The following MCUB variants were observed in gnomAD, a reference collection of about 807,000 sequenced individuals.
The protein encoded by MCUB is calcium uniporter regulatory subunit MCUb, mitochondrial.
MCUB carries 46 observed loss-of-function variants against 41.4 expected under a neutral mutation model. The ratio of observed to expected loss-of-function variants is 1.11; its 90% CI spans 0.88 to 1.42. The LOEUF is 1.42. Among genes scored for constraint, MCUB ranks in the 40% most tolerant of loss-of-function variants. The pLI is 0.00. For missense variants in MCUB, 403 were observed against 404.9 expected (o/e 1.00, Z 0.04); for synonymous variants, 148 against 148.2 (o/e 1.00, Z 0.01).
At chr4:109,578,580 G>C (rs1318389315) in intron 1 of MCUB, among the ~76,000 whole-genome samples, 1 of 151,804 alleles carries the variant, frequency 6.6e-6, no homozygotes, top group African/African-American at 2.4e-5. Context: ...GCTTACTGCA[G>C]CCTCAACCTC....
intron 1 of MCUB, among the ~76,000 whole-genome samples, chr4:109,650,500 GTC>G (rs779482590): frequency 1.2e-4 from 18 of 152,082 alleles, no homozygotes; most frequent in Non-Finnish European, 2.6e-4. Context: ...TGGCCTACCA[GTC>G]TCTCAGAATT....
chr4:109,587,486 A>G (rs932734697), intron 1 of MCUB, among the ~76,000 whole-genome samples: 2 of 152,204 alleles, frequency 1.3e-5, no homozygotes, highest in Admixed American at 6.5e-5. Context: ...ACCAGTCCCA[A>G]TGAGATGAGC....
At chr4:109,640,016 C>T (rs528931768) in intron 1 of MCUB, among the ~76,000 whole-genome samples, 7 of 152,232 alleles carry the variant, frequency 4.6e-5, no homozygotes, top group South Asian at 2.1e-4. Flanking sequence ...TGGGTGCAGG[C>T]GGGCTGAGTC....
intron 1 of MCUB, 127 bp downstream of exon 1, chr4:109,560,563 CG>C (rs1398434349): frequency 1.3e-5 from 6 of 468,426 alleles, no homozygotes; most frequent in Non-Finnish European, 1.7e-5. Context: ...TGCCGGGCTC[CG>C]CGCGCCGGGC....
chr4:109,656,071 TA>T (rs1729090077), intron 1 of MCUB, among the ~76,000 whole-genome samples: 2 of 152,158 alleles, frequency 1.3e-5, no homozygotes, highest in Non-Finnish European at 2.9e-5. Context: ...ACTTCTTCAG[TA>T]GTACACCTGC....
intron 1 of MCUB, among the ~76,000 whole-genome samples, chr4:109,633,696 G>C (rs1398431591): frequency 6.6e-6 from 1 of 152,124 alleles, no homozygotes; most frequent in Non-Finnish European, 1.5e-5. Flanking sequence ...ACCCCATGTG[G>C]CTCTCAGCCT....
chr4:109,573,941 C>T (rs1248702726), intron 1 of MCUB, among the ~76,000 whole-genome samples: 13 of 143,134 alleles, frequency 9.1e-5, no homozygotes, highest in Non-Finnish European at 1.6e-4. Context: ...GGCGCAATCT[C>T]GGCTCACTGC....
At chr4:109,682,535 CG>C in intron 4 of MCUB, 46 bp from the exon 5 acceptor site, 1 of 1,504,600 alleles carries the variant, frequency 6.6e-7, no homozygotes, top group Non-Finnish European at 9.0e-7. Flanking sequence ...ACACACCCTG[CG>C]GGAACAATGT....
At chr4:109,665,698 A>AT (rs943245795) in intron 4 of MCUB, among the ~76,000 whole-genome samples, 1 of 151,908 alleles carries the variant, frequency 6.6e-6, no homozygotes, top group Non-Finnish European at 1.5e-5. Context: ...TTTTTATTAG[A>AT]TTTTTTTCCC....
In MCUB at chr4:109,682,610, G is replaced by A; in HGVS notation, c.480G>A (p.Glu160=). 6.2e-7 allele frequency: 1 copy of A among 1,613,098 alleles called. No individual in the cohort carries two copies. Among genetic ancestry groups the A allele is most frequent in the Non-Finnish European group, 8.5e-7 (1 of 1,179,538 alleles). Residue 160 remains glutamate (E), a synonymous_variant, in exon 5 of 8, where the codon GAG becomes GAA. Coordinates refer to ENST00000394650, the MANE Select transcript of MCUB (RefSeq NM_017918.5). ...AACCAAGTAATGAGCACACTGCTGA[G>A]ATGGAACACATGAAATCTTTGGTTC... ...REKPSNEHTA[E]MEHMKSLVHR...
chr4:109,667,514 A>G lies in MCUB; in HGVS notation c.451+3120A>G, dbSNP rs115731647. On this transcript the variant is annotated intron_variant, in intron 4 of 7. Coordinates refer to ENST00000394650, the MANE Select transcript of MCUB (RefSeq NM_017918.5). The stretch of plus-strand genomic sequence containing the variant: ...GGCTAGAAGTTTATCAATTTAATTG[A>G]TTTTTTCCAAAGAACTAGCTTTTAA... 5.2e-3 allele frequency among the ~76,000 whole-genome samples: 772 copies of G among 148,026 alleles called. 3 individuals carry two copies. Among genetic ancestry groups the G allele is most frequent in the African/African-American group, 0.018 (732 of 40,280 alleles).
At position 109,672,518 on chromosome 4, in the gene MCUB, G is replaced by C. The variant is rs144314432; in HGVS notation, c.451+8124G>C. ...GTAAGCTATAATTATAGACTGTTAAGGGTAGGAGGAAGAAATTCATAAGTC... is the reference window on the plus strand; with the variant it reads ...GTAAGCTATAATTATAGACTGTTAACGGTAGGAGGAAGAAATTCATAAGTC... On this transcript the variant is annotated intron_variant, in intron 4 of 7. Coordinates refer to ENST00000394650, the MANE Select transcript of MCUB (RefSeq NM_017918.5). 5.1e-3 allele frequency among the ~76,000 whole-genome samples: 773 copies of C among 152,282 alleles called. 3 individuals carry two copies. Among genetic ancestry groups the C allele is most frequent in the African/African-American group, 0.018 (733 of 41,550 alleles).
At chr4:109,632,419 ATC>A (rs1306979888) in intron 1 of MCUB, among the ~76,000 whole-genome samples, 6 of 152,154 alleles carry the variant, frequency 3.9e-5, no homozygotes, top group Admixed American at 2.0e-4. Flanking sequence ...TGCATAACAA[ATC>A]TCTCTAAAAT....
At chr4:109,630,500 C>A (rs904602459) in intron 1 of MCUB, among the ~76,000 whole-genome samples, 1 of 151,804 alleles carries the variant, frequency 6.6e-6, no homozygotes, top group Admixed American at 6.6e-5. Flanking sequence ...ATTTTTTTTT[C>A]TTGGGAGTTT....
rs146332324 is a variant in MCUB at position 109,624,284 on chromosome 4, T to G, written c.100-34727T>G. On this transcript the variant is annotated intron_variant, in intron 1 of 7. Coordinates refer to ENST00000394650, the MANE Select transcript of MCUB (RefSeq NM_017918.5). ...ACTCAACTCATGGACCAAGGCACAA[T>G]AGCTGCATTCAAAGCACACTATGCC... Among the ~76,000 whole-genome samples the G allele has an allele frequency of 2.5e-3, 380 of 152,312 alleles. 1 individual carries two copies. Among genetic ancestry groups the G allele is most frequent in the South Asian group, 0.016 (79 of 4,816 alleles).
At chr4:109,638,974 A>G (rs900893488) in intron 1 of MCUB, among the ~76,000 whole-genome samples, 12 of 152,202 alleles carry the variant, frequency 7.9e-5, no homozygotes, top group Non-Finnish European at 1.8e-4. Flanking sequence ...GTTACTTCTT[A>G]CACTGAAGTC....
chr4:109,649,336 T>C (rs575329869), intron 1 of MCUB, among the ~76,000 whole-genome samples: 1 of 152,334 alleles, frequency 6.6e-6, no homozygotes, highest in Admixed American at 6.5e-5. Flanking sequence ...TTTATCTCTA[T>C]TGGTTTGGAA....
At chr4:109,598,228 G>T (rs965691093) in intron 1 of MCUB, among the ~76,000 whole-genome samples, 2 of 151,090 alleles carry the variant, frequency 1.3e-5, no homozygotes, top group African/African-American at 4.9e-5. Context: ...CGGCACTTTG[G>T]GAGGCCAAGG....
chr4:109,654,504 G>A (rs1474308992), intron 1 of MCUB, among the ~76,000 whole-genome samples: 3 of 151,944 alleles, frequency 2.0e-5, no homozygotes, highest in Non-Finnish European at 4.4e-5. Flanking sequence ...CCAGCTACTC[G>A]AGAGGGTGAG....
Sources: allele counts gnomAD v4.1 joint callset (sites outside exome capture counted in the v4.1 genomes callset), GRCh38; gene constraint gnomAD v4.1.1; transcripts MANE v1.5; gene names NCBI Gene and HGNC (gene_info 2026-07-23, HGNC 2026-07-21).